Variants in TBC1D1 observed in about 807,000 individuals in gnomAD.
TBC1D1 encodes TBC1 (tre-2/USP6, BUB2, cdc16) domain family, member 1.
A neutral mutation model predicts 125.6 loss-of-function variants in TBC1D1; 89 were observed. The observed-to-expected ratio is 0.71, with a 90% CI of 0.60 to 0.85. The LOEUF is 0.85. Among genes scored for constraint, TBC1D1 ranks in the 40% least tolerant of loss-of-function variants. The pLI, the probability that TBC1D1 is intolerant of heterozygous loss-of-function variation, is 0.00. For synonymous variants in TBC1D1, 565 were observed against 564.1 expected (o/e 1.00, Z -0.02); for missense variants, 1,377 against 1,469.2 (o/e 0.94, Z 1.03).
chr4:37,933,762 C>A (rs540671027), intron 2 of TBC1D1, among the ~76,000 whole-genome samples: 3 of 151,892 alleles, frequency 2.0e-5, no homozygotes, highest in Non-Finnish European at 4.4e-5. Context: ...CCGTACTGAT[C>A]GGAATCACCA....
At chr4:37,948,594 C>T (rs1322686502) in intron 2 of TBC1D1, among the ~76,000 whole-genome samples, 1 of 151,228 alleles carries the variant, frequency 6.6e-6, no homozygotes, top group Non-Finnish European at 1.5e-5. Flanking sequence ...ACCCACTGCA[C>T]TCCAGCCTGG....
intron 2 of TBC1D1, among the ~76,000 whole-genome samples, chr4:37,940,794 G>C (rs1412611092): frequency 6.6e-6 from 1 of 152,134 alleles, no homozygotes; most frequent in African/African-American, 2.4e-5. Context: ...TGTGGTTTTT[G>C]TCTTTGGTTC....
intron 19 of TBC1D1, among the ~76,000 whole-genome samples, chr4:38,135,671 C>A (rs909427361): frequency 4.6e-5 from 7 of 152,102 alleles, no homozygotes; most frequent in Admixed American, 6.5e-5. Flanking sequence ...TAGAGAGATA[C>A]CCCAAGTGGG....
At chr4:38,112,231 A>G (rs889399898) in intron 15 of TBC1D1, 45 of 347,572 alleles carry the variant, frequency 1.3e-4, no homozygotes, top group Non-Finnish European at 1.8e-4. Flanking sequence ...CTTTGTGAAA[A>G]TTAGTTGCTT....
intron 2 of TBC1D1, among the ~76,000 whole-genome samples, chr4:38,007,791 C>T (rs1438724601): frequency 1.3e-5 from 2 of 152,190 alleles, no homozygotes; most frequent in East Asian, 1.9e-4. Flanking sequence ...GTGCTGTTCA[C>T]AGTTTGCCAA....
chr4:38,008,545 A>G (rs1740819422), intron 2 of TBC1D1, among the ~76,000 whole-genome samples: 1 of 152,226 alleles, frequency 6.6e-6, no homozygotes, highest in Non-Finnish European at 1.5e-5. Context: ...TGAAAGATCA[A>G]GACCCAAAGG....
rs148447564 is a variant in TBC1D1 at position 38,086,584 on chromosome 4, C to A, written c.2051-3348C>A. ...TTTGTATTCTGGACTTGGCCTGGAT[C>A]CCCCGACCAAATTTGGGACAAGCTC... On this transcript the variant is annotated intron_variant, in intron 12 of 19. Coordinates refer to ENST00000261439, the MANE Select transcript of TBC1D1 (RefSeq NM_015173.4). Among the ~76,000 whole-genome samples the A allele has an allele frequency of 2.0e-5, 3 of 152,302 alleles. No homozygotes were observed. The East Asian group carries it at 5.8e-4, about 29-fold the overall frequency.
intron 14 of TBC1D1, 114 bp from the exon 17 acceptor site, chr4:38,102,880 CAAAAA>C: frequency 2.5e-5 from 24 of 975,110 alleles, no homozygotes; most frequent in East Asian, 9.3e-5. Flanking sequence ...GACTCTGTCT[CAAAAA>C]AAAAAAAAAA....
At position 37,902,437 on chromosome 4, in the gene TBC1D1, T is replaced by C; in HGVS notation, c.342T>C (p.Phe114=). The stretch of plus-strand genomic sequence containing the variant: ...ACAACAGTCATGACCCAAGTTACTT[T>C]GCTTGTCTGATTAAGGAAGACGCTG... Residue 114 remains phenylalanine, a synonymous_variant, in exon 2 of 20, where the codon TTT becomes TTC. Coordinates refer to ENST00000261439, the MANE Select transcript of TBC1D1 (RefSeq NM_015173.4). 6.2e-7 allele frequency: 1 copy of C among 1,614,166 alleles called. No homozygotes were observed. The highest frequency in any genetic ancestry group is 8.5e-7 in the Non-Finnish European group (1 of 1,180,022).
intron 2 of TBC1D1, among the ~76,000 whole-genome samples, chr4:37,920,245 G>A (rs1236866455): frequency 6.6e-6 from 1 of 152,166 alleles, no homozygotes; most frequent in Non-Finnish European, 1.5e-5. Context: ...TGGGGTTGGG[G>A]GGTGTAGTTT....
chr4:38,071,929 A>C (rs904438501), intron 12 of TBC1D1, among the ~76,000 whole-genome samples: 3 of 152,160 alleles, frequency 2.0e-5, no homozygotes, highest in Non-Finnish European at 2.9e-5. Flanking sequence ...TGTATTTAGG[A>C]ATAGTGTCTA....
intron 2 of TBC1D1, among the ~76,000 whole-genome samples, chr4:37,988,480 A>G (rs955233207): frequency 2.0e-5 from 3 of 152,202 alleles, no homozygotes; most frequent in Admixed American, 6.5e-5. Context: ...GGGGGATGAT[A>G]AACAGCTATC....
At chr4:38,100,609 C>G (rs1760137885) in intron 14 of TBC1D1, among the ~76,000 whole-genome samples, 1 of 152,170 alleles carries the variant, frequency 6.6e-6, no homozygotes, top group Non-Finnish European at 1.5e-5. Context: ...CACCATTCAA[C>G]TCACTCTACA....
At chr4:38,001,166 G>C (rs565639371) in intron 2 of TBC1D1, among the ~76,000 whole-genome samples, 89 of 152,140 alleles carry the variant, frequency 5.8e-4, no homozygotes, top group African/African-American at 2.1e-3. Flanking sequence ...CTTGCAGTGA[G>C]CCAAGATTGC....
At chr4:38,090,147 C>T in intron 13 of TBC1D1, 30 bp downstream of exon 15, 21 of 1,606,514 alleles carry the variant, frequency 1.3e-5, no homozygotes, top group Non-Finnish European at 1.8e-5. Flanking sequence ...ATTGAACAGG[C>T]CTGGTCTTAT....
At position 38,021,674 on chromosome 4, in the gene TBC1D1, G is replaced by T; in HGVS notation, c.1166G>T (p.Gly389Val). Reference sequence around the variant, plus strand: ...AAGGCGCCAGCCCAGCTGTGTGAGGGCTGCCCCCTGCAAAGCCTGCACAAG... The same window carrying T: ...AAGGCGCCAGCCCAGCTGTGTGAGGTCTGCCCCCTGCAAAGCCTGCACAAG... The change falls in exon 6 of 20, where the codon GGC becomes GTC. Residue 389 changes from glycine to valine, a missense_variant. By Grantham distance (109) the Gly-to-Val change is moderately radical. Around this residue, in one of 3 missense-constraint regions of TBC1D1, gnomAD observed 822 missense variants for 824.6 expected, o/e 1.00. Transcript: ENST00000261439. 1 of 1,596,052 alleles carries T rather than the reference G, an allele frequency of 6.3e-7. No homozygotes were observed. Among genetic ancestry groups the T allele is most frequent in the Non-Finnish European group, 8.5e-7 (1 of 1,171,458 alleles).
intron 2 of TBC1D1, among the ~76,000 whole-genome samples, chr4:38,010,641 G>C (rs1741277919): frequency 6.6e-6 from 1 of 152,202 alleles, no homozygotes; most frequent in African/African-American, 2.4e-5. Flanking sequence ...AGAAGCCTAA[G>C]CCAGAGCCCT....
At chr4:38,010,911 A>G (rs373625387) in intron 2 of TBC1D1, among the ~76,000 whole-genome samples, 174 of 152,330 alleles carry the variant, frequency 1.1e-3, no homozygotes, top group African/African-American at 3.8e-3. Flanking sequence ...TCTGGCATCT[A>G]GAGATGCCTA....
chr4:38,032,640 C>T (rs986080095), intron 7 of TBC1D1, among the ~76,000 whole-genome samples: 8 of 152,060 alleles, frequency 5.3e-5, no homozygotes, highest in African/African-American at 1.9e-4. Context: ...CAAGACCATC[C>T]TGGCTAACAC....
Sources: allele counts gnomAD v4.1 joint callset (sites outside exome capture counted in the v4.1 genomes callset), GRCh38; gene constraint gnomAD v4.1.1; regional missense constraint gnomAD v4.1.1; transcripts MANE v1.5; gene names NCBI Gene and HGNC (gene_info 2026-07-23, HGNC 2026-07-21).